C5orf24: variants seen among roughly 807,000 people sequenced by gnomAD.
C5orf24 encodes the protein chromosome 5 open reading frame 24.
Under a neutral mutation model 9.8 loss-of-function variants are expected in C5orf24, and 4 were observed. That is an observed-to-expected ratio of 0.41 (90% CI 0.20 to 0.93). The LOEUF (loss-of-function observed/expected upper bound fraction) is 0.93, where lower values mean the gene tolerates loss of function less well. C5orf24 is among the 40% of genes least tolerant of loss of function. The probability of loss-of-function intolerance (pLI) is 0.33; values close to 1 mark genes in which losing one functional copy is unlikely to be tolerated. For synonymous variants in C5orf24, 73 were observed against 81.3 expected (o/e 0.90, Z 0.55); for missense variants, 170 against 236.9 (o/e 0.72, Z 1.85).
the C5orf24 span, among the ~76,000 whole-genome samples, chr5:134,834,782 C>G: frequency 6.6e-6 from 1 of 152,038 alleles, no homozygotes; most frequent in South Asian, 2.1e-4. Context: ...CACGGTAGCT[C>G]ACTCCTGTAA....
In C5orf24 at chr5:134,858,063, A is replaced by G. The variant is rs1308034219; in HGVS notation, c.*2596A>G. ...TTGTATACATGTTTATGAAATGGTG[A>G]GATCAACTAAAGGAGGCATGTTCAT... On this transcript the variant is annotated 3_prime_UTR_variant, in exon 2 of 2. Coordinates refer to ENST00000394976, the MANE Select transcript of C5orf24 (RefSeq NM_001135586.1). 6.0e-6 allele frequency: 1 copy of G among 167,096 alleles called. No homozygotes were observed. 10.4% of individuals were successfully genotyped at this position (167,096 alleles called of 1,614,324 possible).
Position 134,857,445 on chromosome 5 carries a change from C to G in C5orf24, c.*1978C>G. 1.3e-6 allele frequency: 2 copies of G among 1,534,722 alleles called. No individual in the cohort carries two copies. The highest frequency in any genetic ancestry group is 1.8e-6 in the Non-Finnish European group (2 of 1,137,294). On this transcript the variant is annotated 3_prime_UTR_variant, in exon 2 of 2. Transcript: ENST00000394976. ...CTGCTCTTTACAGTAAGAGGTGTTG[C>G]ATTGTATGTGGGGACTATGTGCACT...
upstream of C5orf24, among the ~76,000 whole-genome samples, chr5:134,844,094 T>C (rs1267772963): frequency 2.6e-5 from 4 of 152,232 alleles, no homozygotes; most frequent in Non-Finnish European, 5.9e-5. Flanking sequence ...AAAATTTCTT[T>C]TTCTTAAATG....
chr5:134,837,195 A>G, the C5orf24 span, among the ~76,000 whole-genome samples: 1 of 151,072 alleles, frequency 6.6e-6, no homozygotes, highest in Non-Finnish European at 1.5e-5. Flanking sequence ...CTGGTCTAGA[A>G]CTCCCGACCT....
intron 1 of C5orf24, among the ~76,000 whole-genome samples, chr5:134,853,906 C>T (rs1037450238): frequency 6.6e-6 from 1 of 152,110 alleles, no homozygotes; most frequent in African/African-American, 2.4e-5. Context: ...CATGGTGAAA[C>T]CCTGTCTCTA....
rs376746765 is a variant in C5orf24 at position 134,856,165 on chromosome 5, A to C, written c.*698A>C. 1,365 of 997,600 alleles carry C rather than the reference A, an allele frequency of 1.4e-3. 52 individuals are homozygous for C. In the South Asian group the frequency reaches 0.056, roughly 41 times the overall value. 61.8% of individuals were successfully genotyped at this position (997,600 alleles called of 1,614,324 possible). On this transcript the variant is annotated 3_prime_UTR_variant, in exon 2 of 2. Coordinates refer to ENST00000394976, the MANE Select transcript of C5orf24 (RefSeq NM_001135586.1). ...TAAGAGCATATATACCAAACACTAC[A>C]AACAATTCATATTTACAGAAAATTT... is the stretch of plus-strand genomic sequence containing the variant.
chr5:134,837,258 C>T, the C5orf24 span, among the ~76,000 whole-genome samples: 1 of 152,298 alleles, frequency 6.6e-6, no homozygotes, highest in South Asian at 2.1e-4. Flanking sequence ...TAGGCGTGAG[C>T]CACTGTGCCT....
At chr5:134,849,680 G>C (rs1372360171) in intron 1 of C5orf24, among the ~76,000 whole-genome samples, 2 of 105,534 alleles carry the variant, frequency 1.9e-5, no homozygotes, top group Non-Finnish European at 3.6e-5. Flanking sequence ...TTTTTAAAGA[G>C]AGAGTCTCAC....
upstream of C5orf24, among the ~76,000 whole-genome samples, chr5:134,841,178 T>C (rs1223121960): frequency 6.6e-6 from 1 of 152,240 alleles, no homozygotes; most frequent in East Asian, 1.9e-4. Context: ...TTGGATTATG[T>C]TATTTCTTCA....
chr5:134,848,839 C>T (rs150005053), intron 1 of C5orf24, among the ~76,000 whole-genome samples: 18 of 151,542 alleles, frequency 1.2e-4, no homozygotes, highest in Admixed American at 8.6e-4. Flanking sequence ...TGCCTGTAAT[C>T]CCAGCTACTC....
At chr5:134,848,832 C>T (rs1756071561) in intron 1 of C5orf24, among the ~76,000 whole-genome samples, 1 of 151,176 alleles carries the variant, frequency 6.6e-6, no homozygotes, top group Non-Finnish European at 1.5e-5. Context: ...TGGCATGTGC[C>T]TGTAATCCCA....
chr5:134,854,856 G>A (rs535222299), intron 1 of C5orf24, 42 bp from the exon 2 acceptor site: 2 of 1,568,584 alleles, frequency 1.3e-6, no homozygotes, highest in South Asian at 1.1e-5. Flanking sequence ...GTATGTATTT[G>A]TGTGTGTGTA....
chr5:134,845,772 C>T (rs1046621651), upstream of C5orf24: 2 of 152,426 alleles, frequency 1.3e-5, no homozygotes, highest in African/African-American at 4.8e-5. Flanking sequence ...TTGGTGGGTT[C>T]CTCAACCCCA....
At chr5:134,847,542 TCTC>T (rs1756029430) in intron 1 of C5orf24, among the ~76,000 whole-genome samples, 1 of 152,056 alleles carries the variant, frequency 6.6e-6, no homozygotes, top group Non-Finnish European at 1.5e-5. Flanking sequence ...GATCCACCCT[TCTC>T]AACCTCCCAA....
Position 134,855,515 on chromosome 5 carries a change from T to A in C5orf24, c.*48T>A. 1 of 1,594,934 alleles carries A rather than the reference T, an allele frequency of 6.3e-7. No individual in the cohort carries two copies. The highest frequency in any genetic ancestry group is 1.1e-5 in the South Asian group (1 of 87,820). On this transcript the variant is annotated 3_prime_UTR_variant, in exon 2 of 2. Coordinates refer to ENST00000394976, the MANE Select transcript of C5orf24 (RefSeq NM_001135586.1). The stretch of plus-strand genomic sequence containing the variant: ...GGTTTAGAAGGAAGATTGTGAATAA[T>A]CCCAAAGCTTCTTGGTTTTATTTTG...
upstream of C5orf24, among the ~76,000 whole-genome samples, chr5:134,840,850 A>T (rs926365397): frequency 6.6e-6 from 1 of 152,118 alleles, no homozygotes; most frequent in Non-Finnish European, 1.5e-5. Context: ...GGCTCATCTG[A>T]GCCTTGGTAT....
the C5orf24 span, among the ~76,000 whole-genome samples, chr5:134,837,836 A>C: frequency 1.3e-5 from 2 of 152,086 alleles, no homozygotes; most frequent in African/African-American, 4.8e-5. Context: ...CCAAGACCCT[A>C]TCTTTCTTTT....
chr5:134,840,142 A>C, the C5orf24 span, among the ~76,000 whole-genome samples: 1 of 151,998 alleles, frequency 6.6e-6, no homozygotes, highest in African/African-American at 2.4e-5. Flanking sequence ...CTCCATCTCT[A>C]CTAAAATACA....
rs1412231818 is a variant in C5orf24 at position 134,855,097 on chromosome 5, C to A, written c.197C>A (p.Thr66Asn). The A allele has an allele frequency of 6.2e-7, 1 of 1,613,982 alleles. No individual in the cohort carries two copies. The highest frequency in any genetic ancestry group is 1.3e-5 in the African/African-American group (1 of 74,900). Residue 66 changes from threonine (T) to asparagine (N), a missense_variant, in exon 2 of 2, where the codon ACT becomes AAT. This residue lies in a region of C5orf24 where 93 missense variants were observed against 104.5 expected (regional missense o/e 0.89). Coordinates refer to ENST00000394976, the MANE Select transcript of C5orf24 (RefSeq NM_001135586.1). ...CCATTAAATGAAACACACTTGCAGA[C>A]TACAAGTGGCAGAAGCATAGAAATA... Reference protein sequence around the residue: ...QDPLNETHLQTTSGRSIEIKD... With the variant: ...QDPLNETHLQNTSGRSIEIKD...
Sources: allele counts gnomAD v4.1 joint callset (sites outside exome capture counted in the v4.1 genomes callset), GRCh38; gene constraint gnomAD v4.1.1; regional missense constraint gnomAD v4.1.1; transcripts MANE v1.5; gene names NCBI Gene and HGNC (gene_info 2026-07-23, HGNC 2026-07-21).